RASA1: variants seen among roughly 807,000 people sequenced by gnomAD.
RASA1 encodes RAS p21 protein activator 1.
RASA1 carries 25 observed loss-of-function variants against 132.2 expected under a neutral mutation model. The ratio of observed to expected loss-of-function variants is 0.19; its 90% CI spans 0.14 to 0.26. The LOEUF (loss-of-function observed/expected upper bound fraction) is 0.26. Among genes scored for constraint, RASA1 ranks in the 10% least tolerant of loss-of-function variants. RASA1 has a pLI of 1.00. For missense variants in RASA1, 964 were observed against 1,299.2 expected (o/e 0.74, Z 3.97); for synonymous variants, 477 against 449.9 (o/e 1.06, Z -0.76).
chr5:87,317,959 A>AT (rs1001684772), intron 1 of RASA1, among the ~76,000 whole-genome samples: 9 of 151,588 alleles, frequency 5.9e-5, no homozygotes, highest in Non-Finnish European at 8.8e-5. Context: ...TCTTAAGCTC[A>AT]TTTTTTCCCA....
chr5:87,355,826 T>C (rs1344210931), intron 9 of RASA1, among the ~76,000 whole-genome samples: 1 of 152,194 alleles, frequency 6.6e-6, no homozygotes, highest in Non-Finnish European at 1.5e-5. Flanking sequence ...TGGAAGAAGC[T>C]GATTCCAACT....
At chr5:87,342,858 T>C (rs981962586) in intron 6 of RASA1, among the ~76,000 whole-genome samples, 5 of 152,158 alleles carry the variant, frequency 3.3e-5, no homozygotes, top group Non-Finnish European at 7.3e-5. Context: ...ATAATAGCAA[T>C]GGAATTTTAA....
At chr5:87,337,667 G>A (rs1236001483) in intron 4 of RASA1, among the ~76,000 whole-genome samples, 1 of 152,018 alleles carries the variant, frequency 6.6e-6, no homozygotes, top group African/African-American at 2.4e-5. Context: ...TTCAATATAT[G>A]TACAATCAGT....
At chr5:87,292,976 A>G (rs902276802) in intron 1 of RASA1, among the ~76,000 whole-genome samples, 4 of 152,144 alleles carry the variant, frequency 2.6e-5, no homozygotes, top group East Asian at 1.9e-4. Context: ...GTATTCTGCA[A>G]CCTTGCTTGT....
chr5:87,277,279 A>G (rs546316777), intron 1 of RASA1, among the ~76,000 whole-genome samples: 2 of 152,336 alleles, frequency 1.3e-5, no homozygotes, highest in African/African-American at 4.8e-5. Context: ...CAGGGCTGGC[A>G]GTAACTGGCA....
chr5:87,362,712 G>A (rs777265063), intron 10 of RASA1, 41 bp downstream of exon 10: 7 of 1,584,406 alleles, frequency 4.4e-6, no homozygotes, highest in Non-Finnish European at 6.1e-6. Context: ...TGATAGAGAC[G>A]TTGTAAATAT....
intron 1 of RASA1, among the ~76,000 whole-genome samples, chr5:87,292,643 A>G (rs1287545692): frequency 6.6e-6 from 1 of 151,936 alleles, no homozygotes; most frequent in Non-Finnish European, 1.5e-5. Flanking sequence ...TAGGTCTTTT[A>G]CCTCTCCATA....
intron 23 of RASA1, among the ~76,000 whole-genome samples, chr5:87,388,908 T>C (rs1762257387): frequency 6.6e-6 from 1 of 152,110 alleles, no homozygotes; most frequent in African/African-American, 2.4e-5. Flanking sequence ...CAAAGCTAAT[T>C]GTTAGGAAGC....
At chr5:87,269,091 TTAGGA>T (rs777873981) in intron 1 of RASA1, 101 bp downstream of exon 1, 1 of 1,613,840 alleles carries the variant, frequency 6.2e-7, no homozygotes, top group Admixed American at 1.7e-5. Flanking sequence ...CTGTGGTTTG[TTAGGA>T]AAAGTTTTTG....
chr5:87,304,701 C>G (rs1418195126), intron 1 of RASA1, among the ~76,000 whole-genome samples: 1 of 152,122 alleles, frequency 6.6e-6, no homozygotes, highest in African/African-American at 2.4e-5. Flanking sequence ...CTCCTGACCT[C>G]AAGTGATCCA....
At chr5:87,342,619 C>G (rs947401349) in intron 6 of RASA1, among the ~76,000 whole-genome samples, 8 of 152,132 alleles carry the variant, frequency 5.3e-5, no homozygotes, top group Admixed American at 2.0e-4. Context: ...GGAACTGTGT[C>G]CCTACTGTCA....
At chr5:87,287,129 CCAT>C (rs1754628824) in intron 1 of RASA1, among the ~76,000 whole-genome samples, 1 of 136,256 alleles carries the variant, frequency 7.3e-6, no homozygotes, top group Non-Finnish European at 1.6e-5. Context: ...TATATACACA[CCAT>C]ATATATATAC....
At chr5:87,389,846 A>AGTT (rs567126578) in intron 24 of RASA1, among the ~76,000 whole-genome samples, 20 of 151,994 alleles carry the variant, frequency 1.3e-4, no homozygotes, top group Admixed American at 5.9e-4. Context: ...TTTTTCTTTC[A>AGTT]GTTTCTGTCT....
Position 87,385,466 on chromosome 5 carries a change from A to G in RASA1, c.2847+77A>G, listed in dbSNP as rs1244036829. The G allele has an allele frequency of 3.4e-6, 4 of 1,162,092 alleles. No individual in the cohort carries two copies. The African/African-American group carries it at 6.1e-5, about 18-fold the overall frequency. 72.0% of individuals were successfully genotyped at this position (1,162,092 alleles called of 1,614,324 possible). On this transcript the variant is annotated intron_variant, in intron 22 of 24. Transcript: ENST00000274376. ...TGATAAAACCATAAATTGTGGCTTA[A>G]GTAAATTTTTAGCAGTGAAATTTTT... is the stretch of plus-strand genomic sequence containing the variant.
intron 1 of RASA1, among the ~76,000 whole-genome samples, chr5:87,328,707 C>CT (rs1365087369): frequency 6.6e-6 from 1 of 152,000 alleles, no homozygotes; most frequent in Admixed American, 6.6e-5. Flanking sequence ...GGACAGCCAC[C>CT]TTAGGGACTC....
At chr5:87,347,185 A>T (rs185180655) in intron 7 of RASA1, among the ~76,000 whole-genome samples, 2 of 152,168 alleles carry the variant, frequency 1.3e-5, no homozygotes, top group Non-Finnish European at 2.9e-5. Context: ...ACTAGTCTTC[A>T]GTAGAACGAT....
At chr5:87,286,926 CATACCATATATAT>C (rs1418741099) in intron 1 of RASA1, among the ~76,000 whole-genome samples, 4 of 148,464 alleles carry the variant, frequency 2.7e-5, no homozygotes, top group African/African-American at 9.9e-5. Flanking sequence ...CATATATATA[CATACCATATATAT>C]ACACCATATA....
chr5:87,377,127 A>G, intron 17 of RASA1, 87 bp downstream of exon 17: 2 of 1,462,022 alleles, frequency 1.4e-6, no homozygotes, highest in Non-Finnish European at 1.9e-6. Context: ...TGAATATACT[A>G]AATTGTTAAA....
At position 87,268,733 on chromosome 5, in the gene RASA1, C is replaced by G. The variant is rs1580179020; in HGVS notation, c.282C>G (p.Gly94=). Reference sequence around the variant, plus strand: ...TGACAGGGGGAGGTACTGCTGCTGGCGTAGCTGGTGCTGCTGCTGGCGTGG... The same window carrying G: ...TGACAGGGGGAGGTACTGCTGCTGGGGTAGCTGGTGCTGCTGCTGGCGTGG... ...AGLTGGGTAA[G]VAGAAAGVAG... is the part of the protein sequence containing the mutation. Residue 94 remains glycine (G), a synonymous_variant, in exon 1 of 25, where the codon GGC becomes GGG. Coordinates refer to ENST00000274376, the MANE Select transcript of RASA1 (RefSeq NM_002890.3). The G allele has an allele frequency of 6.2e-7, 1 of 1,612,890 alleles. No individual in the cohort carries two copies. The highest frequency in any genetic ancestry group is 1.1e-5 in the South Asian group (1 of 90,974).
Sources: gnomAD v4.1 joint callset for allele counts (sites outside exome capture counted in the v4.1 genomes callset) on GRCh38, gnomAD v4.1.1 for gene constraint, MANE v1.5 for transcripts, NCBI Gene and HGNC (gene_info 2026-07-23, HGNC 2026-07-21) for gene names.